Variants in SLC23A2 observed in about 807,000 individuals in gnomAD.
SLC23A2 encodes solute carrier family 23 member 2, also known as Na(+)/L-ascorbic acid transporter 2.
Under a neutral mutation model 73.3 loss-of-function variants are expected in SLC23A2, and 36 were observed. The observed-to-expected ratio is 0.49, with a 90% CI of 0.38 to 0.65. The LOEUF (loss-of-function observed/expected upper bound fraction) is 0.65. SLC23A2 is among the 30% of genes least tolerant of loss of function. The probability of loss-of-function intolerance (pLI) is 0.00; values close to 1 mark genes in which losing one functional copy is unlikely to be tolerated. For missense variants in SLC23A2, 507 were observed against 841.6 expected (o/e 0.60, Z 4.92); for synonymous variants, 343 against 327.3 (o/e 1.05, Z -0.52).
chr20:4,866,073 T>G (rs1232420844), intron 13 of SLC23A2, among the ~76,000 whole-genome samples: 1 of 152,166 alleles, frequency 6.6e-6, no homozygotes, highest in East Asian at 1.9e-4. Flanking sequence ...CCTCAGGTGA[T>G]CTGCCCACCT....
rs1187740165 is a variant in SLC23A2 at position 4,947,832 on chromosome 20, G to T, written c.-154-15116C>A. Among the ~76,000 whole-genome samples the T allele has an allele frequency of 6.6e-6, 1 of 152,190 alleles. No homozygotes were observed. The highest frequency in any genetic ancestry group is 1.5e-5 in the Non-Finnish European group (1 of 68,030). On this transcript the variant is annotated intron_variant, in intron 2 of 16. Coordinates refer to ENST00000338244, the MANE Select transcript of SLC23A2 (RefSeq NM_005116.6). This position sits in a 1 kb window ranked among gnomAD's most constrained non-coding sequence, Gnocchi z 4.4. ...GTCATATCTAAAAGTCATTCTGAAG[G>T]AAGCTGAGGAAAATTTGTGAGTTAC...
Position 4,934,274 on chromosome 20 carries a change from T to C in SLC23A2, c.-154-1558A>G, listed in dbSNP as rs947453722. ...CAATGTCTGGAGATGTCTTTGGCCA[T>C]CACAACTCGGGGAGAGCTATTAACA... On this transcript the variant is annotated intron_variant, in intron 2 of 16. Coordinates refer to ENST00000338244, the MANE Select transcript of SLC23A2 (RefSeq NM_005116.6). Among the ~76,000 whole-genome samples the C allele has an allele frequency of 8.5e-5, 13 of 152,278 alleles. No individual in the cohort carries two copies. The East Asian group carries it at 2.3e-3, about 27-fold the overall frequency.
chr20:4,888,363 A>G (rs1189176789), intron 6 of SLC23A2, among the ~76,000 whole-genome samples: 1 of 152,216 alleles, frequency 6.6e-6, no homozygotes, highest in African/African-American at 2.4e-5. Context: ...GCCTTTTACA[A>G]AAGAAGTTTT....
chr20:4,860,141 T>C (rs562116914), intron 15 of SLC23A2, among the ~76,000 whole-genome samples: 13 of 152,262 alleles, frequency 8.5e-5, no homozygotes, highest in Admixed American at 5.2e-4. Context: ...CCAGGAGAAA[T>C]GAAAACAAGT....
Position 4,884,761 on chromosome 20 carries a change from T to C in SLC23A2, c.634A>G (p.Ile212Val), listed in dbSNP as rs1357299182. ...LHTEHIWYPR[I>V]REIQGAIIMS... ...CAACGCTTGTCTTTTACCTCTCGGATCCGGGGATACCAGATGTGTTCTGTG... is the reference window on the plus strand; with the variant it reads ...CAACGCTTGTCTTTTACCTCTCGGACCCGGGGATACCAGATGTGTTCTGTG... The change falls in exon 8 of 17, where the codon ATC (isoleucine) becomes GTC (valine). Residue 212 changes from isoleucine to valine, a missense_variant. By Grantham distance (29) the Ile-to-Val change is conservative. Around this residue, in one of 5 missense-constraint regions of SLC23A2, gnomAD observed 217 missense variants for 398.0 expected, o/e 0.55. Coordinates refer to ENST00000338244, the MANE Select transcript of SLC23A2 (RefSeq NM_005116.6). 3 of 1,609,560 alleles carry C rather than the reference T, an allele frequency of 1.9e-6. No individual in the cohort carries two copies. The Admixed American group carries it at 5.0e-5, about 27-fold the overall frequency.
intron 1 of SLC23A2, among the ~76,000 whole-genome samples, chr20:4,987,226 G>A (rs2087844933): frequency 6.6e-6 from 1 of 152,174 alleles, no homozygotes; most frequent in Non-Finnish European, 1.5e-5. Flanking sequence ...GTTTATCTTT[G>A]AGTGGATGAA....
At chr20:4,969,611 G>T (rs1272660275) in intron 2 of SLC23A2, among the ~76,000 whole-genome samples, 50 of 144,588 alleles carry the variant, frequency 3.5e-4, no homozygotes, top group African/African-American at 1.3e-3. Context: ...TTGAGGCAGG[G>T]TCTCACTCTG....
intron 13 of SLC23A2, among the ~76,000 whole-genome samples, chr20:4,864,263 A>ACAC (rs1203450446): frequency 6.6e-6 from 1 of 152,194 alleles, no homozygotes. Context: ...TTCCTCACGT[A>ACAC]CACCGGCCAC....
intron 9 of SLC23A2, among the ~76,000 whole-genome samples, chr20:4,880,873 C>T (rs149379852): frequency 6.6e-6 from 1 of 152,064 alleles, no homozygotes; most frequent in Non-Finnish European, 1.5e-5. Context: ...TAGCTTGTGT[C>T]TAACTGATGT....
At chr20:4,995,807 G>A (rs2088010131) in intron 1 of SLC23A2, among the ~76,000 whole-genome samples, 1 of 152,130 alleles carries the variant, frequency 6.6e-6, no homozygotes, top group African/African-American at 2.4e-5. Flanking sequence ...GATGAAAAGC[G>A]TTAATACCCA....
At chr20:4,901,868 T>G (rs931751038) in intron 5 of SLC23A2, among the ~76,000 whole-genome samples, 9 of 152,142 alleles carry the variant, frequency 5.9e-5, no homozygotes, top group Admixed American at 4.6e-4. Flanking sequence ...CCTTTCTCTA[T>G]TCTTCCTTCT....
Position 4,956,379 on chromosome 20 carries a change from C to A in SLC23A2, c.-155+14414G>T, listed in dbSNP as rs72547286. The stretch of plus-strand genomic sequence containing the variant: ...GGGCAGATGCTAGAAATGCTAAAAG[C>A]AAATGCATTAACAGCACCCTCTAGT... On this transcript the variant is annotated intron_variant, in intron 2 of 16. Coordinates refer to ENST00000338244, the MANE Select transcript of SLC23A2 (RefSeq NM_005116.6). 1.5e-3 allele frequency among the ~76,000 whole-genome samples: 220 copies of A among 150,644 alleles called. 1 individual carries two copies. The highest frequency in any genetic ancestry group is 5.1e-3 in the African/African-American group (207 of 40,316).
intron 3 of SLC23A2, 40 bp from the exon 4 acceptor site, chr20:4,913,018 C>A: frequency 7.5e-7 from 1 of 1,325,196 alleles, no homozygotes; most frequent in Non-Finnish European, 1.1e-6. Flanking sequence ...TCAGCGTGAA[C>A]CACATTTTCC....
chr20:4,906,976 G>T (rs1439841109), intron 4 of SLC23A2, among the ~76,000 whole-genome samples: 1 of 152,166 alleles, frequency 6.6e-6, no homozygotes, highest in African/African-American at 2.4e-5. Context: ...TGCTATGCTT[G>T]GAAGCACTAG....
chr20:4,867,211 C>T (rs1387538919), intron 13 of SLC23A2, among the ~76,000 whole-genome samples: 1 of 152,130 alleles, frequency 6.6e-6, no homozygotes, highest in Non-Finnish European at 1.5e-5. Context: ...CTCCCTGACC[C>T]GCACTGGCCT....
At position 4,857,364 on chromosome 20, in the gene SLC23A2, T is replaced by A. The variant is rs934142557; in HGVS notation, c.1721-160A>T. Among the ~76,000 whole-genome samples the A allele has an allele frequency of 1.4e-5, 2 of 148,106 alleles. No homozygotes were observed. Among genetic ancestry groups the A allele is most frequent in the East Asian group, 2.0e-4 (1 of 4,932 alleles). On this transcript the variant is annotated intron_variant, in intron 16 of 16. Transcript: ENST00000338244. This position sits in a 1 kb window ranked among gnomAD's most constrained non-coding sequence, Gnocchi z 4.0. ...GTCCCACAGATCAAACCTGCCTAGATAACAGCAAAGAATACTTGAGGAGGT... is the reference window on the plus strand; with the variant it reads ...GTCCCACAGATCAAACCTGCCTAGAAAACAGCAAAGAATACTTGAGGAGGT...
chr20:4,898,159 G>A (rs555620565), intron 6 of SLC23A2, among the ~76,000 whole-genome samples: 41 of 152,326 alleles, frequency 2.7e-4, no homozygotes, highest in Admixed American at 2.4e-3. Flanking sequence ...TCCCTGCCCT[G>A]CCCCCTGGGG....
At chr20:4,941,538 C>T (rs2087041192) in intron 2 of SLC23A2, among the ~76,000 whole-genome samples, 1 of 151,790 alleles carries the variant, frequency 6.6e-6, no homozygotes, top group Admixed American at 6.6e-5. Context: ...CCCATCTCTA[C>T]TAAAAATATA....
chr20:4,926,237 C>T (rs1197787714), intron 3 of SLC23A2, among the ~76,000 whole-genome samples: 2 of 152,160 alleles, frequency 1.3e-5, no homozygotes, highest in African/African-American at 4.8e-5. Context: ...TCTTGATACC[C>T]AAATATTCTC....
Sources: gnomAD v4.1 joint callset for allele counts (sites outside exome capture counted in the v4.1 genomes callset) on GRCh38, gnomAD v4.1.1 for gene constraint, gnomAD v4.1.1 regional missense constraint, Gnocchi (gnomAD v3.1) non-coding constraint, MANE v1.5 for transcripts, NCBI Gene and HGNC (gene_info 2026-07-23, HGNC 2026-07-21) for gene names.